The following DACH1 variants were observed in gnomAD, a reference collection of about 807,000 sequenced individuals.
DACH1 encodes dachshund homolog 1.
Under a neutral mutation model 54.2 loss-of-function variants are expected in DACH1, and 12 were observed. The observed-to-expected ratio is 0.22, with a 90% confidence interval of 0.14 to 0.36. The LOEUF is 0.36. Ranked by LOEUF, DACH1 falls within the 10% of genes least tolerant of loss-of-function variation. DACH1 has a pLI of 1.00. For missense variants in DACH1, 805 were observed against 929.8 expected (o/e 0.87, Z 1.75); for synonymous variants, 386 against 366.2 (o/e 1.05, Z -0.62).
intron 1 of DACH1, among the ~76,000 whole-genome samples, chr13:71,730,243 CAA>C (rs1474971669): frequency 6.6e-6 from 1 of 151,820 alleles, no homozygotes; most frequent in Non-Finnish European, 1.5e-5. Context: ...AATAAAGCAA[CAA>C]AGGTGAAAAC....
At chr13:71,816,090 A>AAAAAT (rs921557900) in intron 1 of DACH1, among the ~76,000 whole-genome samples, 4 of 152,262 alleles carry the variant, frequency 2.6e-5, no homozygotes, top group Admixed American at 6.5e-5. Flanking sequence ...GTCTCCAAAA[A>AAAAAT]AAAATAAAAT....
chr13:71,843,319 G>T (rs1250801264), intron 1 of DACH1, among the ~76,000 whole-genome samples: 1 of 152,076 alleles, frequency 6.6e-6, no homozygotes, highest in Admixed American at 6.5e-5. Context: ...AGGTTGGAGT[G>T]CAGTGTCACA....
At chr13:71,787,843 C>A (rs940141874) in intron 1 of DACH1, among the ~76,000 whole-genome samples, 9 of 152,074 alleles carry the variant, frequency 5.9e-5, no homozygotes, top group Non-Finnish European at 1.0e-4. Context: ...TCCTTTAATG[C>A]CAAATTTACT....
In DACH1 at chr13:71,438,688, A is replaced by G. The variant is rs911496089; in HGVS notation, c.*1967T>C. 1.3e-5 allele frequency: 2 copies of G among 152,472 alleles called. No individual in the cohort carries two copies. The highest frequency in any genetic ancestry group is 4.8e-5 in the African/African-American group (2 of 41,450). The allele number at this position is 152,472 out of a possible 1,614,324, so 9.4% of individuals were successfully genotyped here. A position where few individuals can be genotyped will look rare whatever the true frequency, so the allele number is the denominator to read the frequency against. On this transcript the variant is annotated 3_prime_UTR_variant, in exon 11 of 11. Transcript: ENST00000613252. Reference sequence around the variant, plus strand: ...GGCTTTTTTAAAAATCTTTCAAAAAATGTATGATGCAAAAAGCTTGACACA... The same window carrying G: ...GGCTTTTTTAAAAATCTTTCAAAAAGTGTATGATGCAAAAAGCTTGACACA...
chr13:71,580,153 A>ATG (rs1214305239), intron 3 of DACH1, among the ~76,000 whole-genome samples: 9 of 152,206 alleles, frequency 5.9e-5, no homozygotes, highest in Non-Finnish European at 1.0e-4. Context: ...TGACCACACA[A>ATG]TGTTCATACA....
intron 6 of DACH1, among the ~76,000 whole-genome samples, chr13:71,537,575 G>T (rs958290243): frequency 1.3e-5 from 2 of 152,064 alleles, no homozygotes; most frequent in East Asian, 1.9e-4. Flanking sequence ...GAAAAGCAAA[G>T]AAATTTCAGG....
chr13:71,842,109 T>C (rs1433506213), intron 1 of DACH1, among the ~76,000 whole-genome samples: 1 of 152,192 alleles, frequency 6.6e-6, no homozygotes, highest in Non-Finnish European at 1.5e-5. Flanking sequence ...TAGTACCTGT[T>C]TCCTTGGGCA....
At chr13:71,495,173 G>T (rs1259132716) in intron 6 of DACH1, among the ~76,000 whole-genome samples, 1 of 152,028 alleles carries the variant, frequency 6.6e-6, no homozygotes, top group East Asian at 1.9e-4. Context: ...ATTACAAAGA[G>T]ATTCACAATT....
At chr13:71,471,420 T>G (rs948104182) in intron 10 of DACH1, among the ~76,000 whole-genome samples, 2 of 152,010 alleles carry the variant, frequency 1.3e-5, no homozygotes, top group Non-Finnish European at 2.9e-5. Flanking sequence ...AAGAGATGTC[T>G]GAGTGGATTG....
chr13:71,642,422 T>A (rs921124808), intron 2 of DACH1, among the ~76,000 whole-genome samples: 1 of 152,208 alleles, frequency 6.6e-6, no homozygotes, highest in African/African-American at 2.4e-5. Context: ...AAGATACAAG[T>A]AAACATCAAT....
At chr13:71,509,426 T>A (rs373756027) in intron 6 of DACH1, among the ~76,000 whole-genome samples, 1 of 152,030 alleles carries the variant, frequency 6.6e-6, no homozygotes, top group African/African-American at 2.4e-5. Context: ...GACTAATAGA[T>A]GAAAGGTGAA....
chr13:71,839,767 A>G (rs981351307), intron 1 of DACH1, among the ~76,000 whole-genome samples: 2 of 152,186 alleles, frequency 1.3e-5, no homozygotes, highest in African/African-American at 4.8e-5. Flanking sequence ...TGGATTATTT[A>G]TGTTCACTAA....
At chr13:71,584,246 G>T (rs967451532) in intron 3 of DACH1, among the ~76,000 whole-genome samples, 2 of 152,040 alleles carry the variant, frequency 1.3e-5, no homozygotes, top group African/African-American at 4.8e-5. Context: ...TTTTCAAAAC[G>T]AATTAAATAC....
intron 1 of DACH1, among the ~76,000 whole-genome samples, chr13:71,761,597 C>G (rs1265413909): frequency 6.6e-6 from 1 of 152,156 alleles, no homozygotes; most frequent in Non-Finnish European, 1.5e-5. Flanking sequence ...ACAGACTTCT[C>G]AAACATCAAT....
At chr13:71,587,338 T>A (rs1349646106) in intron 3 of DACH1, among the ~76,000 whole-genome samples, 1 of 152,082 alleles carries the variant, frequency 6.6e-6, no homozygotes, top group Admixed American at 6.6e-5. Context: ...AATTGTAAAA[T>A]GTGTCTTATT....
At chr13:71,711,011 T>C (rs1489024203) in intron 1 of DACH1, among the ~76,000 whole-genome samples, 1 of 152,078 alleles carries the variant, frequency 6.6e-6, no homozygotes, top group Non-Finnish European at 1.5e-5. Flanking sequence ...TAAAAGTAAA[T>C]AATTATGTCT....
intron 7 of DACH1, among the ~76,000 whole-genome samples, chr13:71,486,570 T>C (rs992298397): frequency 2.0e-5 from 3 of 152,104 alleles, no homozygotes; most frequent in Non-Finnish European, 2.9e-5. Context: ...TAACAATAAA[T>C]ATGTGTGTGT....
chr13:71,789,638 C>T (rs750373728), intron 1 of DACH1, among the ~76,000 whole-genome samples: 2 of 152,052 alleles, frequency 1.3e-5, no homozygotes, highest in African/African-American at 2.4e-5. Flanking sequence ...TTGCACACTA[C>T]ACGCTAAAGG....
chr13:71,590,795 G>A (rs1873644463), intron 3 of DACH1, among the ~76,000 whole-genome samples: 1 of 150,954 alleles, frequency 6.6e-6, no homozygotes, highest in African/African-American at 2.4e-5. Flanking sequence ...CTTCCTGAGA[G>A]CATCATATTG....
Sources: allele counts gnomAD v4.1 joint callset (sites outside exome capture counted in the v4.1 genomes callset), GRCh38; gene constraint gnomAD v4.1.1; transcripts MANE v1.5; gene names NCBI Gene and HGNC (gene_info 2026-07-23, HGNC 2026-07-21).